The following SH3BGRL variants were observed in gnomAD, a reference collection of about 807,000 sequenced individuals.
The protein encoded by SH3BGRL is SH3 domain binding glutamate rich protein like.
A neutral mutation model predicts 9.8 loss-of-function variants in SH3BGRL; 7 were observed. The ratio of observed to expected loss-of-function variants is 0.72; its 90% CI spans 0.41 to 1.35. The LOEUF (loss-of-function observed/expected upper bound fraction) is 1.35, where lower values mean the gene tolerates loss of function less well. Among genes scored for constraint, SH3BGRL ranks in the 40% most tolerant of loss-of-function variants. The pLI, the probability that SH3BGRL is intolerant of heterozygous loss-of-function variation, is 0.01. For synonymous variants in SH3BGRL, 36 were observed against 29.1 expected (o/e 1.24, Z -0.76); for missense variants, 73 against 84.4 (o/e 0.86, Z 0.53).
At chrX:81,242,330 G>A (rs1486606665) in intron 1 of SH3BGRL, among the ~76,000 whole-genome samples, 4 of 111,886 alleles carry the variant, frequency 3.6e-5, no homozygotes, top group African/African-American at 9.8e-5. Flanking sequence ...GAGTCACTTC[G>A]ATTAATGGTG....
At chrX:81,244,965 T>C (rs1351729400) in intron 1 of SH3BGRL, among the ~76,000 whole-genome samples, 1 of 112,085 alleles carries the variant, frequency 8.9e-6, no homozygotes, top group Non-Finnish European at 1.9e-5. Context: ...TTTTGCCTAC[T>C]TCATTTCTTT....
chrX:81,222,781 T>A (rs2075604187), intron 1 of SH3BGRL, among the ~76,000 whole-genome samples: 1 of 111,710 alleles, frequency 9.0e-6, no homozygotes, highest in Non-Finnish European at 1.9e-5. Context: ...TATTTTACAG[T>A]CCCACCAACA....
At chrX:81,205,711 T>C (rs1233818384) in intron 1 of SH3BGRL, among the ~76,000 whole-genome samples, 2 of 110,185 alleles carry the variant, frequency 1.8e-5, no homozygotes, top group East Asian at 5.7e-4. Flanking sequence ...TTTTTGTTTT[T>C]TGAGGAACCT....
chrX:81,293,613 G>A (rs1008577349), intron 3 of SH3BGRL, among the ~76,000 whole-genome samples: 2 of 112,155 alleles, frequency 1.8e-5, no homozygotes, highest in Non-Finnish European at 3.8e-5. Flanking sequence ...AATCAGGGAG[G>A]TGGAGGTTGC....
chrX:81,251,736 T>G (rs1464244034), intron 1 of SH3BGRL, among the ~76,000 whole-genome samples: 1 of 112,183 alleles, frequency 8.9e-6, no homozygotes, highest in South Asian at 3.7e-4. Flanking sequence ...ACAGAAACAA[T>G]ATTTTCTACT....
At position 81,284,410 on chromosome X, in the gene SH3BGRL, A is replaced by T. The variant is rs760728596; in HGVS notation, c.312+5999A>T. Among the ~76,000 whole-genome samples the T allele has an allele frequency of 1.3e-4, 14 of 110,761 alleles. No homozygotes were observed. In the East Asian group the frequency reaches 4.0e-3, roughly 32 times the overall value. ...TTAGGAGCCTCCCCCCACCAAAAAA[A>T]AAAAAAGTTACAGGATTTAGGAATT... On this transcript the variant is annotated intron_variant, in intron 3 of 3. Coordinates refer to ENST00000373212, the MANE Select transcript of SH3BGRL (RefSeq NM_003022.3).
chrX:81,263,393 C>T (rs1382745326), intron 1 of SH3BGRL, among the ~76,000 whole-genome samples: 2 of 111,619 alleles, frequency 1.8e-5, no homozygotes, highest in African/African-American at 3.3e-5. Context: ...CTTTGAATTT[C>T]AGCCTTTGGC....
chrX:81,233,673 G>A (rs2075639502), intron 1 of SH3BGRL, among the ~76,000 whole-genome samples: 1 of 110,448 alleles, frequency 9.1e-6, no homozygotes, highest in Non-Finnish European at 1.9e-5. Context: ...CAGGCACTTT[G>A]CATTCCTCTT....
intron 1 of SH3BGRL, among the ~76,000 whole-genome samples, chrX:81,260,894 C>T (rs2075739293): frequency 9.0e-6 from 1 of 110,659 alleles, no homozygotes; most frequent in Non-Finnish European, 1.9e-5. Flanking sequence ...AGCAGAAGAT[C>T]TTAGAGCTGA....
At chrX:81,286,913 A>C (rs1006227488) in intron 3 of SH3BGRL, among the ~76,000 whole-genome samples, 2 of 111,680 alleles carry the variant, frequency 1.8e-5, no homozygotes, top group African/African-American at 6.5e-5. Flanking sequence ...TATATAAAAT[A>C]AGATTAGAAA....
intron 1 of SH3BGRL, among the ~76,000 whole-genome samples, chrX:81,268,408 C>A (rs1181845895): frequency 9.0e-6 from 1 of 111,611 alleles, no homozygotes; most frequent in Non-Finnish European, 1.9e-5. Flanking sequence ...CCAGAGATTC[C>A]GGTACATTGT....
chrX:81,244,931 A>G (rs193257371), intron 1 of SH3BGRL, among the ~76,000 whole-genome samples: 1 of 111,921 alleles, frequency 8.9e-6, no homozygotes, highest in Non-Finnish European at 1.9e-5. Context: ...AAAACCTAGA[A>G]GGTGTCAGAT....
chrX:81,291,442 A>AC (rs746177295), intron 3 of SH3BGRL, among the ~76,000 whole-genome samples: 1 of 110,603 alleles, frequency 9.0e-6, no homozygotes, highest in African/African-American at 3.3e-5. Flanking sequence ...ATTAGAAACC[A>AC]CCCCCCATGA....
intron 1 of SH3BGRL, among the ~76,000 whole-genome samples, chrX:81,216,042 A>G (rs2075580569): frequency 9.0e-6 from 1 of 111,672 alleles, no homozygotes; most frequent in African/African-American, 3.3e-5. Flanking sequence ...CTTTTCTATA[A>G]TTCCCTCACC....
intron 1 of SH3BGRL, among the ~76,000 whole-genome samples, chrX:81,275,939 G>A (rs956664927): frequency 2.7e-5 from 3 of 111,601 alleles, no homozygotes; most frequent in Admixed American, 1.9e-4. Flanking sequence ...AATCCAGAGA[G>A]GGACTTGATT....
intron 1 of SH3BGRL, among the ~76,000 whole-genome samples, chrX:81,229,095 A>C (rs1299004136): frequency 2.7e-5 from 3 of 111,567 alleles, no homozygotes; most frequent in Non-Finnish European, 5.7e-5. Flanking sequence ...CTGTGGAGCA[A>C]GTGTCCATGA....
chrX:81,209,128 C>T (rs971464254), intron 1 of SH3BGRL, among the ~76,000 whole-genome samples: 2 of 107,313 alleles, frequency 1.9e-5, no homozygotes, highest in African/African-American at 6.9e-5. Flanking sequence ...CTGCTTCAAC[C>T]TCTCAAGTAG....
At chrX:81,292,360 A>G (rs752302032) in intron 3 of SH3BGRL, among the ~76,000 whole-genome samples, 248 of 111,508 alleles carry the variant, frequency 2.2e-3, no homozygotes, top group Middle Eastern at 9.2e-3. Context: ...CCTGACACAT[A>G]TCTGGGGCCC....
rs1447009637 is a variant in SH3BGRL at position 81,203,877 on chromosome X, C to T, written c.45+1632C>T. 4.6e-5 allele frequency among the ~76,000 whole-genome samples: 5 copies of T among 109,637 alleles called. No individual in the cohort carries two copies. In the East Asian group the frequency reaches 1.4e-3, roughly 31 times the overall value. On this transcript the variant is annotated intron_variant, in intron 1 of 3. Coordinates refer to ENST00000373212, the MANE Select transcript of SH3BGRL (RefSeq NM_003022.3). The stretch of plus-strand genomic sequence containing the variant: ...CTTCTATTATTTCCTTTATTGGACT[C>T]CTTTTTTTTTTTATTTAGATTTCAA...
Sources: allele counts gnomAD v4.1 joint callset (sites outside exome capture counted in the v4.1 genomes callset), GRCh38; gene constraint gnomAD v4.1.1; transcripts MANE v1.5; gene names NCBI Gene and HGNC (gene_info 2026-07-23, HGNC 2026-07-21).